CHN2: variants seen among roughly 807,000 people sequenced by gnomAD.
CHN2 encodes beta-chimaerin.
In CHN2, 35 loss-of-function variants were observed where a neutral mutation model predicts 56.3. That is an observed-to-expected ratio of 0.62 (90% CI 0.47 to 0.82). The LOEUF (loss-of-function observed/expected upper bound fraction) is 0.82. CHN2 is among the 40% of genes least tolerant of loss of function. CHN2 has a pLI of 0.00. For synonymous variants in CHN2, 210 were observed against 212.8 expected (o/e 0.99, Z 0.12); for missense variants, 491 against 580.5 (o/e 0.85, Z 1.58).
At chr7:29,313,260 C>G (rs1794719313) in intron 1 of CHN2, among the ~76,000 whole-genome samples, 1 of 152,184 alleles carries the variant, frequency 6.6e-6, no homozygotes, top group Non-Finnish European at 1.5e-5. Context: ...AAGTGGAATT[C>G]CTGGGTTAAT....
intron 7 of CHN2, among the ~76,000 whole-genome samples, chr7:29,480,627 A>G (rs999108023): frequency 1.9e-4 from 29 of 152,324 alleles, no homozygotes; most frequent in Middle Eastern, 3.4e-3. Flanking sequence ...TCACGTTCCC[A>G]TGTCCAGTGA....
intron 8 of CHN2, among the ~76,000 whole-genome samples, chr7:29,498,999 G>A (rs1583413193): frequency 6.6e-6 from 1 of 151,920 alleles, no homozygotes; most frequent in African/African-American, 2.4e-5. Flanking sequence ...CAGGCAATCC[G>A]CCCACCTGCC....
At chr7:29,409,950 A>C (rs767135266) in intron 6 of CHN2, among the ~76,000 whole-genome samples, 2 of 152,138 alleles carry the variant, frequency 1.3e-5, no homozygotes, top group African/African-American at 4.8e-5. Context: ...CTGTACACCT[A>C]TGGGGACTGG....
chr7:29,433,868 G>GGGGGGGAA (rs1783030476), intron 6 of CHN2, among the ~76,000 whole-genome samples: 1 of 146,490 alleles, frequency 6.8e-6, no homozygotes, highest in African/African-American at 2.6e-5. Context: ...GAAGGGAGAG[G>GGGGGGGAA]GGGAGGAAGG....
In CHN2 at chr7:29,205,996, A is replaced by G. The variant is rs138422599; in HGVS notation, c.49+11006A>G. ...CCATCATATTTCATTCCCTCCTTCC[A>G]AAGGTAACCACTACTCTGAATTTTC... is the stretch of plus-strand genomic sequence containing the variant. On this transcript the variant is annotated intron_variant, in intron 1 of 12. Transcript: ENST00000222792. 1.8e-3 allele frequency among the ~76,000 whole-genome samples: 274 copies of G among 152,050 alleles called. 1 individual carries two copies. The highest frequency in any genetic ancestry group is 6.3e-3 in the African/African-American group (263 of 41,468).
chr7:29,292,443 T>G (rs988971473), intron 1 of CHN2, among the ~76,000 whole-genome samples: 1 of 152,256 alleles, frequency 6.6e-6, no homozygotes, highest in Admixed American at 6.5e-5. Flanking sequence ...TTCTTTGATC[T>G]TGGAAGGCTT....
Position 29,434,495 on chromosome 7 carries a change from C to T in CHN2, c.576+33667C>T, listed in dbSNP as rs139793608. 4.3e-4 allele frequency among the ~76,000 whole-genome samples: 65 copies of T among 152,102 alleles called. No individual in the cohort carries two copies. In the East Asian group the frequency reaches 0.01, roughly 24 times the overall value. ...TCTTCTCTGGCCTCTTCCTAGTTTC[C>T]GGTGGTTGCCAGCAGTCCTTGACTA... On this transcript the variant is annotated intron_variant, in intron 6 of 12. Transcript: ENST00000222792.
chr7:29,305,082 T>C (rs749878724), intron 1 of CHN2, among the ~76,000 whole-genome samples: 5 of 152,062 alleles, frequency 3.3e-5, no homozygotes, highest in Non-Finnish European at 5.9e-5. Flanking sequence ...GAAGGGAGGG[T>C]GAGCCTCCAG....
intron 2 of CHN2, among the ~76,000 whole-genome samples, chr7:29,366,256 C>T (rs10274204): frequency 0.27 from 41,420 of 151,812 alleles, 5,881 homozygotes; most frequent in Non-Finnish European, 0.32. Flanking sequence ...ATAAATGAAG[C>T]GTTAGGGGTG....
intron 6 of CHN2, among the ~76,000 whole-genome samples, chr7:29,455,677 A>C (rs938186805): frequency 6.6e-6 from 1 of 152,232 alleles, no homozygotes; most frequent in Admixed American, 6.5e-5. Context: ...AGTGGCAGGC[A>C]CCAGAGGTTG....
chr7:29,242,759 GAAAAAA>G (rs57273690), intron 1 of CHN2, among the ~76,000 whole-genome samples: 1 of 59,730 alleles, frequency 1.7e-5, no homozygotes, highest in South Asian at 5.6e-4. Context: ...CTTTCCTTCT[GAAAAAA>G]AAAAAAAAAA....
chr7:29,167,472 C>G (rs1037516271), intron 2 of CHN2, among the ~76,000 whole-genome samples: 1 of 152,098 alleles, frequency 6.6e-6, no homozygotes. Flanking sequence ...CTTCTATGAC[C>G]ATATTTGAAT....
At chr7:29,212,911 T>C in intron 1 of CHN2, 3 of 1,610,614 alleles carry the variant, frequency 1.9e-6, no homozygotes, top group Non-Finnish European at 2.5e-6. Flanking sequence ...GAACAATTCA[T>C]CCTGGAGCAA....
chr7:29,194,907 G>C lies in CHN2; in HGVS notation c.-35G>C. 1.3e-6 allele frequency: 2 copies of C among 1,522,282 alleles called. No homozygotes were observed. The highest frequency in any genetic ancestry group is 1.8e-6 in the Non-Finnish European group (2 of 1,139,402). 94.3% of individuals were successfully genotyped at this position (1,522,282 alleles called of 1,614,324 possible). On this transcript the variant is annotated 5_prime_UTR_variant, in exon 1 of 13. Transcript: ENST00000222792. ...GCAGCGGCGGCGGCGTCCGCACCGG[G>C]GCTGAGCGAGCAGCGACGCGAGGGG...
chr7:29,409,329 T>C (rs757647135), intron 6 of CHN2, among the ~76,000 whole-genome samples: 20 of 152,206 alleles, frequency 1.3e-4, no homozygotes, highest in Non-Finnish European at 2.2e-4. Flanking sequence ...GAAAGTAAAA[T>C]AGAAAAATCT....
At chr7:29,330,902 T>C (rs530792045) in intron 1 of CHN2, among the ~76,000 whole-genome samples, 11 of 152,352 alleles carry the variant, frequency 7.2e-5, no homozygotes, top group African/African-American at 1.4e-4. Flanking sequence ...AGGTAGTACG[T>C]AGCAAGGATC....
At chr7:29,224,673 G>A (rs1307946125) in intron 1 of CHN2, among the ~76,000 whole-genome samples, 6 of 152,146 alleles carry the variant, frequency 3.9e-5, no homozygotes, top group Non-Finnish European at 8.8e-5. Flanking sequence ...GCCTATAACA[G>A]CTAATCCATA....
At chr7:29,201,193 C>T (rs1407971533) in intron 1 of CHN2, among the ~76,000 whole-genome samples, 10 of 152,148 alleles carry the variant, frequency 6.6e-5, no homozygotes, top group African/African-American at 1.9e-4. Context: ...AGACTGAGAG[C>T]AAGGAGGAAC....
intron 1 of CHN2, 143 bp from the exon 2 acceptor site, chr7:29,354,482 A>G: frequency 1.4e-6 from 1 of 710,848 alleles, no homozygotes; most frequent in Non-Finnish European, 2.4e-6. Context: ...CTGTGTCTGG[A>G]ACTGCTCCCT....
Sources: allele counts gnomAD v4.1 joint callset (sites outside exome capture counted in the v4.1 genomes callset), GRCh38; gene constraint gnomAD v4.1.1; transcripts MANE v1.5; gene names NCBI Gene and HGNC (gene_info 2026-07-23, HGNC 2026-07-21).